The following MPZL1 variants were observed in gnomAD, a reference collection of about 807,000 sequenced individuals.
MPZL1 encodes the protein myelin protein zero like 1, also known as myelin protein zero-like protein 1.
MPZL1 carries 16 observed loss-of-function variants against 29.3 expected under a neutral mutation model. That is an observed-to-expected ratio of 0.55 (90% CI 0.37 to 0.83). The LOEUF (loss-of-function observed/expected upper bound fraction) is 0.83. MPZL1 is among the 40% of genes least tolerant of loss of function. The pLI, the probability that MPZL1 is intolerant of heterozygous loss-of-function variation, is 0.00. For missense variants in MPZL1, 279 were observed against 332.9 expected, an observed-to-expected ratio of 0.84 and a Z score of 1.26; for synonymous variants, 143 against 132.0, an observed-to-expected ratio of 1.08 and a Z score of -0.57.
intron 1 of MPZL1, among the ~76,000 whole-genome samples, chr1:167,751,876 A>T (rs1156708978): frequency 6.6e-6 from 1 of 152,200 alleles, no homozygotes; most frequent in African/African-American, 2.4e-5. Context: ...TGAAACTAAC[A>T]AAAATCCTTT....
intron 1 of MPZL1, among the ~76,000 whole-genome samples, chr1:167,752,075 T>C (rs1040618361): frequency 1.3e-5 from 2 of 152,224 alleles, no homozygotes; most frequent in Non-Finnish European, 1.5e-5. Context: ...TCAGACTACC[T>C]TTTCATCTTA....
chr1:167,772,775 A>G (rs1661279730), intron 3 of MPZL1, among the ~76,000 whole-genome samples: 1 of 152,206 alleles, frequency 6.6e-6, no homozygotes, highest in South Asian at 2.1e-4. Context: ...TAGAAGAAAG[A>G]CCAAATTCAT....
At chr1:167,726,886 A>G (rs1660158503) in intron 1 of MPZL1, among the ~76,000 whole-genome samples, 1 of 152,222 alleles carries the variant, frequency 6.6e-6, no homozygotes, top group African/African-American at 2.4e-5. Flanking sequence ...GGCACAAGGC[A>G]CTGTTTATGT....
intron 4 of MPZL1, among the ~76,000 whole-genome samples, chr1:167,775,459 G>A (rs1300649961): frequency 2.6e-5 from 4 of 152,148 alleles, no homozygotes; most frequent in East Asian, 1.9e-4. Context: ...TACTGTCACC[G>A]TGAAAAGGTT....
intron 1 of MPZL1, among the ~76,000 whole-genome samples, chr1:167,739,274 CATATATACATATATATATATATAT>C (rs1660453832): frequency 1.2e-5 from 1 of 83,298 alleles, no homozygotes; most frequent in African/African-American, 6.5e-5. Context: ...TACATATATA[CATATATACATATATATATATATAT>C]ATATATATAT....
At chr1:167,760,312 C>T (rs1409061626) in intron 1 of MPZL1, among the ~76,000 whole-genome samples, 5 of 152,150 alleles carry the variant, frequency 3.3e-5, no homozygotes, top group Non-Finnish European at 5.9e-5. Context: ...ACGCCATTCT[C>T]CTGCCTCAGC....
At chr1:167,763,507 A>T (rs1385382117) in intron 1 of MPZL1, among the ~76,000 whole-genome samples, 1 of 151,950 alleles carries the variant, frequency 6.6e-6, no homozygotes, top group Non-Finnish European at 1.5e-5. Context: ...TCTCAAAAAA[A>T]AAAAAAAGAA....
chr1:167,761,392 A>G (rs1004873864), intron 1 of MPZL1, among the ~76,000 whole-genome samples: 8 of 152,208 alleles, frequency 5.3e-5, no homozygotes, highest in East Asian at 3.8e-4. Flanking sequence ...ATGAGATGCA[A>G]TGTGCAGTGG....
chr1:167,768,264 T>G (rs1474793495), intron 2 of MPZL1, among the ~76,000 whole-genome samples: 1 of 152,196 alleles, frequency 6.6e-6, no homozygotes, highest in African/African-American at 2.4e-5. Flanking sequence ...TTAGCCTCAC[T>G]TCTGTTCTCT....
intron 1 of MPZL1, among the ~76,000 whole-genome samples, chr1:167,724,853 GGAAAATGCACT>G (rs1660108980): frequency 6.6e-6 from 1 of 152,130 alleles, no homozygotes; most frequent in Non-Finnish European, 1.5e-5. Context: ...GGGCATCCAG[GGAAAATGCACT>G]GAAGAACATA....
At chr1:167,785,131 C>T (rs1489809700) in intron 5 of MPZL1, among the ~76,000 whole-genome samples, 1 of 152,206 alleles carries the variant, frequency 6.6e-6, no homozygotes, top group Non-Finnish European at 1.5e-5. Flanking sequence ...TATTTGGCTC[C>T]CCATTCTGTG....
chr1:167,765,547 T>A lies in MPZL1; in HGVS notation c.92-36T>A, dbSNP rs769099868. On this transcript the variant is annotated intron_variant, in intron 1 of 5. Coordinates refer to ENST00000359523, the MANE Select transcript of MPZL1 (RefSeq NM_003953.6). ...AATGCACAGTGGTATTCATGTTAAG[T>A]CCTACTTTCAACTACCCTTATTCCT... 1.9e-6 allele frequency: 3 copies of A among 1,560,022 alleles called. No homozygotes were observed. In the South Asian group the frequency reaches 3.6e-5, roughly 19 times the overall value.
chr1:167,746,368 G>T (rs1307687351), intron 1 of MPZL1, among the ~76,000 whole-genome samples: 1 of 151,242 alleles, frequency 6.6e-6, no homozygotes, highest in Admixed American at 6.6e-5. Context: ...AAGGCTCTGT[G>T]TGCCGTGCGA....
chr1:167,771,475 G>A (rs539094663), intron 2 of MPZL1, among the ~76,000 whole-genome samples: 43 of 152,072 alleles, frequency 2.8e-4, no homozygotes, highest in Non-Finnish European at 5.3e-4. Context: ...AACCGCCATC[G>A]TCATCATGGC....
intron 1 of MPZL1, among the ~76,000 whole-genome samples, chr1:167,750,817 A>G (rs1388167528): frequency 6.6e-6 from 1 of 152,232 alleles, no homozygotes; most frequent in Non-Finnish European, 1.5e-5. Flanking sequence ...ATCCAGAATC[A>G]TGTGATTCAC....
intron 1 of MPZL1, among the ~76,000 whole-genome samples, chr1:167,737,771 T>C (rs1418502124): frequency 6.6e-6 from 1 of 152,212 alleles, no homozygotes; most frequent in Non-Finnish European, 1.5e-5. Context: ...AATGACACTT[T>C]AGATATGAGG....
chr1:167,747,061 G>A (rs1472427673), intron 1 of MPZL1, among the ~76,000 whole-genome samples: 2 of 152,022 alleles, frequency 1.3e-5, no homozygotes, highest in Admixed American at 6.6e-5. Context: ...TAATGGAACC[G>A]GAATTATACA....
intron 1 of MPZL1, among the ~76,000 whole-genome samples, chr1:167,747,913 C>G (rs1558114211): frequency 6.6e-6 from 1 of 152,092 alleles, no homozygotes; most frequent in African/African-American, 2.4e-5. Context: ...GGGCTTAGTC[C>G]CTCTTCCCCT....
At chr1:167,746,097 C>T (rs1660640727) in intron 1 of MPZL1, among the ~76,000 whole-genome samples, 1 of 151,976 alleles carries the variant, frequency 6.6e-6, no homozygotes, top group Non-Finnish European at 1.5e-5. Context: ...AGAAAAAATA[C>T]CTATGATTAG....
Sources: allele counts gnomAD v4.1 joint callset (sites outside exome capture counted in the v4.1 genomes callset), GRCh38; gene constraint gnomAD v4.1.1; transcripts MANE v1.5; gene names NCBI Gene and HGNC (gene_info 2026-07-23, HGNC 2026-07-21).